The following KLHL1 variants were observed in gnomAD, a reference collection of about 807,000 sequenced individuals.
KLHL1 encodes kelch like family member 1.
In KLHL1, 47 loss-of-function variants were observed where a neutral mutation model predicts 77.7. That is an observed-to-expected ratio of 0.60 (90% confidence interval 0.48 to 0.77). KLHL1 has a LOEUF of 0.77. KLHL1 is among the 30% of genes least tolerant of loss of function. The probability of loss-of-function intolerance (pLI) is 0.00; values close to 1 mark genes in which losing one functional copy is unlikely to be tolerated. For missense variants in KLHL1, 925 were observed against 910.8 expected, an observed-to-expected ratio of 1.02 and a Z score of -0.20; for synonymous variants, 360 against 325.2, an observed-to-expected ratio of 1.11 and a Z score of -1.15.
intron 2 of KLHL1, among the ~76,000 whole-genome samples, chr13:69,972,792 A>T (rs1262938964): frequency 1.3e-5 from 2 of 151,898 alleles, no homozygotes; most frequent in East Asian, 3.9e-4. Flanking sequence ...TCATATCTGT[A>T]CATTATATCA....
intron 3 of KLHL1, among the ~76,000 whole-genome samples, chr13:69,947,015 TTGTGTGTGTGTGTTGTGTGTGTG>T (rs1197306060): frequency 1.4e-5 from 2 of 145,030 alleles, no homozygotes; most frequent in African/African-American, 2.6e-5. Flanking sequence ...CCATACAAAA[TTGTGTGTGTGTGTTGTGTGTGTG>T]TGTGTGTGTG....
At chr13:69,947,021 G>A (rs1485021354) in intron 3 of KLHL1, among the ~76,000 whole-genome samples, 1 of 129,722 alleles carries the variant, frequency 7.7e-6, no homozygotes, top group African/African-American at 2.9e-5. Flanking sequence ...AAAATTGTGT[G>A]TGTGTGTTGT....
At chr13:69,746,349 ATTC>A (rs79667321) in intron 7 of KLHL1, among the ~76,000 whole-genome samples, 11,960 of 151,814 alleles carry the variant, frequency 0.079, 604 homozygotes, top group African/African-American at 0.14. Flanking sequence ...GGCATTTAAA[ATTC>A]TTCTTGCTGA....
At chr13:69,859,961 G>A (rs1396867327) in intron 5 of KLHL1, among the ~76,000 whole-genome samples, 1 of 151,934 alleles carries the variant, frequency 6.6e-6, no homozygotes, top group African/African-American at 2.4e-5. Flanking sequence ...ATCATCTGAA[G>A]GCCTAAACAA....
chr13:69,905,957 T>A (rs922370708), intron 4 of KLHL1, among the ~76,000 whole-genome samples: 1 of 152,000 alleles, frequency 6.6e-6, no homozygotes, highest in African/African-American at 2.4e-5. Context: ...ACCCAGGAGA[T>A]CATTTAACAT....
At chr13:69,965,962 G>A (rs527816262) in intron 2 of KLHL1, among the ~76,000 whole-genome samples, 1 of 152,202 alleles carries the variant, frequency 6.6e-6, no homozygotes, top group South Asian at 2.1e-4. Context: ...TGAAGTTTAG[G>A]GAAAGAAGTC....
chr13:69,749,173 T>G (rs1874359893), intron 7 of KLHL1, among the ~76,000 whole-genome samples: 2 of 151,964 alleles, frequency 1.3e-5, no homozygotes, highest in African/African-American at 2.4e-5. Flanking sequence ...TAGAATAATT[T>G]CAAAATCAAA....
intron 6 of KLHL1, among the ~76,000 whole-genome samples, chr13:69,826,539 C>G (rs115504679): frequency 6.6e-6 from 1 of 151,914 alleles, no homozygotes; most frequent in African/African-American, 2.4e-5. Flanking sequence ...AAGATCCTGC[C>G]GTTGCACTCC....
chr13:69,931,236 G>T (rs980059773), intron 4 of KLHL1, among the ~76,000 whole-genome samples: 1 of 151,546 alleles, frequency 6.6e-6, no homozygotes, highest in African/African-American at 2.4e-5. Flanking sequence ...ATAATATCTA[G>T]CCTGAATATT....
At chr13:69,724,539 CA>C (rs753506981) in intron 8 of KLHL1, among the ~76,000 whole-genome samples, 25 of 152,134 alleles carry the variant, frequency 1.6e-4, no homozygotes, top group African/African-American at 5.8e-4. Context: ...AAGACACCAC[CA>C]AAAACAAACA....
At chr13:69,757,139 A>G (rs1018696300) in intron 7 of KLHL1, among the ~76,000 whole-genome samples, 2 of 152,104 alleles carry the variant, frequency 1.3e-5, no homozygotes, top group Admixed American at 6.6e-5. Context: ...AGAAACCTAC[A>G]TTCAAGAATA....
At chr13:70,045,204 A>T (rs1170328711) in intron 1 of KLHL1, among the ~76,000 whole-genome samples, 1 of 152,192 alleles carries the variant, frequency 6.6e-6, no homozygotes, top group Non-Finnish European at 1.5e-5. Flanking sequence ...TTACTTTCTA[A>T]AGTCCTTAAA....
chr13:69,961,595 C>G (rs1321337586), intron 2 of KLHL1, 151 bp from the exon 3 acceptor site: 2 of 796,308 alleles, frequency 2.5e-6, no homozygotes, highest in Non-Finnish European at 3.8e-6. Flanking sequence ...CTTTACAAAA[C>G]TGATTCAAAA....
Position 70,107,811 on chromosome 13 carries a change from T to A in KLHL1, c.-112A>T. Reference sequence around the variant, plus strand: ...GGAGGAAGAGGCGGGATGCGCCCTCTGCACCCCTAGAGCCAGAAGACGCTA... The same window carrying A: ...GGAGGAAGAGGCGGGATGCGCCCTCAGCACCCCTAGAGCCAGAAGACGCTA... On this transcript the variant is annotated 5_prime_UTR_variant, in exon 1 of 11. Coordinates refer to ENST00000377844, the MANE Select transcript of KLHL1 (RefSeq NM_020866.3). 1 of 794,120 alleles carries A rather than the reference T, an allele frequency of 1.3e-6. No individual in the cohort carries two copies. Among genetic ancestry groups the A allele is most frequent in the Non-Finnish European group, 1.9e-6 (1 of 518,082 alleles). The allele number at this position is 794,120 out of a possible 1,614,324, so 49.2% of individuals were successfully genotyped here.
chr13:69,769,314 G>A (rs1593811647), intron 7 of KLHL1, among the ~76,000 whole-genome samples: 1 of 152,276 alleles, frequency 6.6e-6, no homozygotes, highest in East Asian at 1.9e-4. Flanking sequence ...TTTCCAGCTT[G>A]GTAAAATATT....
chr13:69,773,052 GA>G (rs1875652008), intron 7 of KLHL1, among the ~76,000 whole-genome samples: 1 of 150,374 alleles, frequency 6.7e-6, no homozygotes, highest in African/African-American at 2.4e-5. Context: ...GCAGAAAACA[GA>G]ACAAGCAAAG....
intron 4 of KLHL1, among the ~76,000 whole-genome samples, chr13:69,897,174 C>G (rs1881677243): frequency 6.6e-6 from 1 of 152,112 alleles, no homozygotes; most frequent in African/African-American, 2.4e-5. Context: ...TTTTGATTTT[C>G]AGGGGAATCT....
intron 1 of KLHL1, among the ~76,000 whole-genome samples, chr13:70,024,356 G>A (rs1885877894): frequency 6.6e-6 from 1 of 151,686 alleles, no homozygotes; most frequent in Admixed American, 6.6e-5. Context: ...GACCTAGATA[G>A]AAAGATAGAG....
chr13:69,821,403 C>T, intron 6 of KLHL1, among the ~76,000 whole-genome samples: 1 of 152,126 alleles, frequency 6.6e-6, no homozygotes, highest in Non-Finnish European at 1.5e-5. Context: ...CAACCTCCAC[C>T]TCCCAGGTTC....
Sources: gnomAD v4.1 joint callset for allele counts (sites outside exome capture counted in the v4.1 genomes callset) on GRCh38, gnomAD v4.1.1 for gene constraint, MANE v1.5 for transcripts, NCBI Gene and HGNC (gene_info 2026-07-23, HGNC 2026-07-21) for gene names.